The following ZNF438 variants were observed in gnomAD, a reference collection of about 807,000 sequenced individuals.
ZNF438 encodes zinc finger protein 438.
Under a neutral mutation model 38.0 loss-of-function variants are expected in ZNF438, and 25 were observed. The ratio of observed to expected loss-of-function variants is 0.66; its 90% CI spans 0.48 to 0.92. ZNF438 has a LOEUF of 0.92. Ranked by LOEUF, ZNF438 falls within the 40% of genes least tolerant of loss-of-function variation. The pLI, the probability that ZNF438 is intolerant of heterozygous loss-of-function variation, is 0.00. For missense variants in ZNF438, 1,007 were observed against 999.6 expected, an observed-to-expected ratio of 1.01 and a Z score of -0.10; for synonymous variants, 372 against 364.1, an observed-to-expected ratio of 1.02 and a Z score of -0.25.
chr10:30,982,537 C>G (rs895180652), intron 1 of ZNF438, among the ~76,000 whole-genome samples: 1 of 152,138 alleles, frequency 6.6e-6, no homozygotes, highest in Non-Finnish European at 1.5e-5. Context: ...GACTACCAAG[C>G]AACACAGAAA....
chr10:30,849,075 T>C, exon 5 of ZNF438: 2 of 1,614,124 alleles, frequency 1.2e-6, no homozygotes, highest in Non-Finnish European at 1.7e-6. Context: ...AAAGTGGGTA[T>C]GACCATGATA....
chr10:30,982,584 A>G (rs1283983992), intron 1 of ZNF438, among the ~76,000 whole-genome samples: 1 of 152,214 alleles, frequency 6.6e-6, no homozygotes, highest in Non-Finnish European at 1.5e-5. Flanking sequence ...AGAGTTATTC[A>G]GGCATGGGTC....
intron 2 of ZNF438, among the ~76,000 whole-genome samples, chr10:30,923,857 A>G (rs1564650060): frequency 1.3e-5 from 2 of 152,230 alleles, no homozygotes; most frequent in East Asian, 3.8e-4. Context: ...TATCATCCAA[A>G]TAATAATATT....
chr10:31,029,539 T>A (rs78731822), intron 1 of ZNF438, among the ~76,000 whole-genome samples: 12,875 of 152,188 alleles, frequency 0.085, 629 homozygotes, highest in Non-Finnish European at 0.11. Context: ...TCACCAATTC[T>A]ACCGCCTACC....
intron 1 of ZNF438, among the ~76,000 whole-genome samples, chr10:31,012,477 T>C (rs544777592): frequency 1.3e-5 from 2 of 152,320 alleles, no homozygotes; most frequent in South Asian, 2.1e-4. Flanking sequence ...CATACAAGTA[T>C]GTATATGTTT....
chr10:30,877,058 T>C lies in ZNF438; in HGVS notation c.-24A>G. 1.3e-6 allele frequency: 2 copies of C among 1,589,724 alleles called. No individual in the cohort carries two copies. The highest frequency in any genetic ancestry group is 1.7e-6 in the Non-Finnish European group (2 of 1,166,550). ...ATTATGATGTACTGGACTTGAATAG[T>C]ATCTTTCCTAAAAATAAGCAAGCAC... is the stretch of plus-strand genomic sequence containing the variant. On this transcript the variant is annotated 5_prime_UTR_variant, in exon 4 of 6. In the 5' UTR this introduces an upstream ATG that the reference lacks. Coordinates refer to ENST00000413025, the Ensembl canonical transcript of ZNF438.
chr10:30,958,550 A>G (rs1387904256), intron 1 of ZNF438, among the ~76,000 whole-genome samples: 1 of 146,836 alleles, frequency 6.8e-6, no homozygotes, highest in African/African-American at 2.4e-5. Context: ...ATATGGATTG[A>G]AGTGCAATTT....
At chr10:30,930,168 G>A (rs1365090596) in intron 2 of ZNF438, among the ~76,000 whole-genome samples, 3 of 151,986 alleles carry the variant, frequency 2.0e-5, no homozygotes, top group South Asian at 2.1e-4. Context: ...CGGGGGTGGG[G>A]GGGGAGTGCG....
chr10:31,006,036 C>T (rs896079587), intron 1 of ZNF438, among the ~76,000 whole-genome samples: 5 of 152,162 alleles, frequency 3.3e-5, no homozygotes, highest in Admixed American at 6.5e-5. Flanking sequence ...ATCCCTTATT[C>T]CCTGGAATCT....
chr10:30,860,819 T>C (rs2035452005), intron 4 of ZNF438, among the ~76,000 whole-genome samples: 1 of 152,234 alleles, frequency 6.6e-6, no homozygotes, highest in Admixed American at 6.5e-5. Context: ...AGGCCAACTG[T>C]TGGTCTTAAA....
At chr10:30,943,158 G>A (rs928988353) in intron 1 of ZNF438, among the ~76,000 whole-genome samples, 4 of 151,998 alleles carry the variant, frequency 2.6e-5, no homozygotes, top group Admixed American at 6.6e-5. Flanking sequence ...AGAAATACAA[G>A]GGAGAGTGCT....
chr10:31,021,240 A>C (rs550838644), intron 1 of ZNF438, among the ~76,000 whole-genome samples: 1 of 152,248 alleles, frequency 6.6e-6, no homozygotes, highest in Non-Finnish European at 1.5e-5. Context: ...AATTACACCA[A>C]AAACTCATTC....
At chr10:31,009,262 C>G (rs549943705) in intron 1 of ZNF438, among the ~76,000 whole-genome samples, 217 of 152,244 alleles carry the variant, frequency 1.4e-3, no homozygotes, top group African/African-American at 5.0e-3. Flanking sequence ...TTGCTATCCC[C>G]ATTTTGCAGA....
At chr10:30,876,820 A>T (rs185722460) in intron 4 of ZNF438, among the ~76,000 whole-genome samples, 178 bp downstream of exon 5, 71 of 152,328 alleles carry the variant, frequency 4.7e-4, no homozygotes, top group Middle Eastern at 3.4e-3. Context: ...CTTAAAACTC[A>T]GGAATCCATA....
At chr10:30,903,292 G>C (rs2042245480) in intron 3 of ZNF438, among the ~76,000 whole-genome samples, 3 of 152,216 alleles carry the variant, frequency 2.0e-5, no homozygotes, top group Non-Finnish European at 2.9e-5. Context: ...GGCCAGAATG[G>C]ATGCCAAGGC....
chr10:31,015,119 C>T (rs2056083764), intron 1 of ZNF438, among the ~76,000 whole-genome samples: 3 of 152,298 alleles, frequency 2.0e-5, no homozygotes, highest in South Asian at 2.1e-4. Context: ...GAAAGCACGT[C>T]GGCTTCCGAA....
At chr10:30,857,960 T>C (rs534164818) in intron 4 of ZNF438, among the ~76,000 whole-genome samples, 2 of 152,374 alleles carry the variant, frequency 1.3e-5, no homozygotes, top group South Asian at 4.1e-4. Context: ...CACTTCCTGA[T>C]GTCCATTGGC....
intron 1 of ZNF438, among the ~76,000 whole-genome samples, chr10:30,975,224 T>C (rs1049404853): frequency 1.3e-5 from 2 of 152,130 alleles, no homozygotes; most frequent in African/African-American, 4.8e-5. Flanking sequence ...CTTCCCTAAA[T>C]GGTCCTCAAG....
intron 1 of ZNF438, among the ~76,000 whole-genome samples, chr10:30,953,412 T>A (rs575332473): frequency 0.08 from 11,718 of 145,996 alleles, 532 homozygotes; most frequent in Non-Finnish European, 0.11. Flanking sequence ...TAAAAAAAAT[T>A]TAAAAAATTA....
Sources: allele counts gnomAD v4.1 joint callset (sites outside exome capture counted in the v4.1 genomes callset), GRCh38; gene constraint gnomAD v4.1.1; transcripts MANE v1.5; gene names NCBI Gene and HGNC (gene_info 2026-07-23, HGNC 2026-07-21).